Variants in ITGB3 observed in about 807,000 individuals in gnomAD.
The protein encoded by ITGB3 is integrin subunit beta 3.
A neutral mutation model predicts 85.8 loss-of-function variants in ITGB3; 48 were observed. The observed-to-expected ratio is 0.56, with a 90% CI of 0.44 to 0.71. The LOEUF (loss-of-function observed/expected upper bound fraction) is 0.71, where lower values mean the gene tolerates loss of function less well. Ranked by LOEUF, ITGB3 falls within the 30% of genes least tolerant of loss-of-function variation. The probability of loss-of-function intolerance (pLI) is 0.00; values close to 1 mark genes in which losing one functional copy is unlikely to be tolerated. For missense variants in ITGB3, 861 were observed against 1,019.1 expected, an observed-to-expected ratio of 0.84 and a Z score of 2.11; for synonymous variants, 363 against 395.6, an observed-to-expected ratio of 0.92 and a Z score of 0.98.
rs1259016033 is a variant in ITGB3, at chr17:47,284,627, T to C, written c.546T>C (p.Phe182=). The change falls in exon 4 of 15, where the codon TTT becomes TTC. Residue 182 remains phenylalanine (F), a synonymous_variant. Transcript: ENST00000559488. The part of the protein sequence containing the change: ...TSNLRIGFGA[F]VDKPVSPYMY... ...ACCTGCGGATTGGCTTCGGGGCATTTGTGGACAAGCCTGTGTCACCATACA... is the reference window on the plus strand; with the variant it reads ...ACCTGCGGATTGGCTTCGGGGCATTCGTGGACAAGCCTGTGTCACCATACA... 2.5e-6 allele frequency: 4 copies of C among 1,614,058 alleles called. No individual in the cohort carries two copies. Among genetic ancestry groups the C allele is most frequent in the Non-Finnish European group, 1.7e-6 (2 of 1,179,992 alleles).
intron 2 of ITGB3, chr17:47,280,159 A>G (rs2065078359): frequency 6.6e-6 from 1 of 152,266 alleles, no homozygotes; most frequent in African/African-American, 2.4e-5. Flanking sequence ...ACCTGTGAAG[A>G]TGAGAGAGAA....
rs763874595 is a variant in ITGB3 at position 47,299,381 on chromosome 17, G to A, written c.1764G>A (p.Thr588=). Residue 588 remains threonine (T), a synonymous_variant, in exon 11 of 15, where the codon ACG becomes ACA. Coordinates refer to ENST00000559488, the MANE Select transcript of ITGB3 (RefSeq NM_000212.3). The surrounding 1 kb of genome is among the most constrained non-coding windows in gnomAD (Gnocchi z 5.1). ...DWTGYYCNCT[T]RTDTCMSSNG... is the part of the protein sequence containing the mutation. The stretch of plus-strand genomic sequence containing the variant: ...CCGGCTACTACTGCAACTGTACCAC[G>A]CGTACTGACACCTGCATGTCCAGCA... 1.9e-5 allele frequency: 31 copies of A among 1,614,090 alleles called. No homozygotes were observed. Among genetic ancestry groups the A allele is most frequent in the East Asian group, 1.8e-4 (8 of 44,898 alleles).
intron 14 of ITGB3, among the ~76,000 whole-genome samples, chr17:47,308,535 T>C (rs1399779302): frequency 6.6e-6 from 1 of 151,860 alleles, no homozygotes; most frequent in East Asian, 1.9e-4. Flanking sequence ...GGAGACAGAG[T>C]CTTGCTCTGT....
chr17:47,283,499 C>T lies in ITGB3; in HGVS notation c.311C>T (p.Ser104Phe), dbSNP rs1241969919. ...AGCGACAAGGGCTCTGGAGACAGCTCCCAGGTCACTCAAGTCAGTCCCCAG... is the reference window on the plus strand; with the variant it reads ...AGCGACAAGGGCTCTGGAGACAGCTTCCAGGTCACTCAAGTCAGTCCCCAG... ...PLSDKGSGDS[S>F]QVTQVSPQRI... Residue 104 changes from serine to phenylalanine, a missense_variant, in exon 3 of 15, where the codon TCC (serine) becomes TTC (phenylalanine). Physicochemically the swap from Ser to Phe is radical, Grantham distance 155. Coordinates refer to ENST00000559488, the MANE Select transcript of ITGB3 (RefSeq NM_000212.3). 5.0e-6 allele frequency: 8 copies of T among 1,614,090 alleles called. No homozygotes were observed. The South Asian group carries it at 7.7e-5, about 16-fold the overall frequency.
At chr17:47,274,626 A>G in intron 2 of ITGB3, 122 bp downstream of exon 2, 2 of 839,106 alleles carry the variant, frequency 2.4e-6, no homozygotes, top group South Asian at 1.4e-5. Context: ...TCTAAGCAAA[A>G]CTTTGATGAA....
chr17:47,257,174 T>A (rs1240365846), intron 1 of ITGB3, among the ~76,000 whole-genome samples: 1 of 152,228 alleles, frequency 6.6e-6, no homozygotes, highest in Non-Finnish European at 1.5e-5. Context: ...CTGCCATGTA[T>A]TGGAGGCAAA....
chr17:47,296,459 C>G (rs1044637190), intron 10 of ITGB3, among the ~76,000 whole-genome samples: 5 of 152,138 alleles, frequency 3.3e-5, no homozygotes, highest in African/African-American at 1.2e-4. Context: ...GTCTTGAACT[C>G]CTGGGCTCAA....
At position 47,302,154 on chromosome 17, in the gene ITGB3, C is replaced by T. The variant is rs536871644; in HGVS notation, c.2015-567C>T. Among the ~76,000 whole-genome samples, 3 of 152,064 alleles carry T rather than the reference C, an allele frequency of 2.0e-5. No homozygotes were observed. In the South Asian group the frequency reaches 6.2e-4, roughly 32 times the overall value. On this transcript the variant is annotated intron_variant, in intron 12 of 14. Coordinates refer to ENST00000559488, the MANE Select transcript of ITGB3 (RefSeq NM_000212.3). Reference sequence around the variant, plus strand: ...TAGAAGAGATGAAGTCTACAAAACACGGTGGGAGTCAGAGAAGAGAGGATA... The same window carrying T: ...TAGAAGAGATGAAGTCTACAAAACATGGTGGGAGTCAGAGAAGAGAGGATA...
rs2065216310 is a variant in ITGB3, at chr17:47,311,854, A to G, written c.*1650A>G. ...GCTCTGGCCTCAGTGTTACAGCTAA[A>G]TAATCTTTAATTAAGGCAAGTCACT... On this transcript the variant is annotated 3_prime_UTR_variant, in exon 15 of 15. Transcript: ENST00000559488. The G allele has an allele frequency of 6.6e-6, 1 of 152,250 alleles. No homozygotes were observed. Among genetic ancestry groups the G allele is most frequent in the Non-Finnish European group, 1.5e-5 (1 of 68,040 alleles). The allele number at this position is 152,250 out of a possible 1,614,324, so 9.4% of individuals were successfully genotyped here.
At position 47,313,701 on chromosome 17, in the gene ITGB3, T is replaced by G. The variant is rs2065225619; in HGVS notation, c.*3497T>G. Among the ~76,000 whole-genome samples, 1 of 152,206 alleles carries G rather than the reference T, an allele frequency of 6.6e-6. No individual in the cohort carries two copies. The highest frequency in any genetic ancestry group is 1.5e-5 in the Non-Finnish European group (1 of 68,026). On this transcript the variant is annotated 3_prime_UTR_variant, in exon 15 of 15. Coordinates refer to ENST00000559488, the MANE Select transcript of ITGB3 (RefSeq NM_000212.3). The stretch of plus-strand genomic sequence containing the variant: ...TCACTTCCTAACCACCTTCTCTGTT[T>G]GGGTTTGTGCAACAGTAAATTAAAT...
At chr17:47,273,018 G>T (rs1048308289) in intron 1 of ITGB3, among the ~76,000 whole-genome samples, 2 of 152,034 alleles carry the variant, frequency 1.3e-5, no homozygotes, top group African/African-American at 4.8e-5. Flanking sequence ...CAAGTGATCC[G>T]CCTGCCTCGT....
intron 1 of ITGB3, among the ~76,000 whole-genome samples, chr17:47,262,644 C>G (rs1676863498): frequency 6.6e-6 from 1 of 152,182 alleles, no homozygotes; most frequent in South Asian, 2.1e-4. Flanking sequence ...AGTGAAGTGA[C>G]TTGTCCAAGA....
chr17:47,281,365 A>G (rs1252365286), intron 2 of ITGB3, among the ~76,000 whole-genome samples: 1 of 152,212 alleles, frequency 6.6e-6, no homozygotes, highest in East Asian at 1.9e-4. Context: ...AGGAGCCCTC[A>G]TAGACATGCA....
chr17:47,272,306 G>A (rs1173502640), intron 1 of ITGB3, among the ~76,000 whole-genome samples: 2 of 151,888 alleles, frequency 1.3e-5, no homozygotes, highest in African/African-American at 4.8e-5. Flanking sequence ...CGCCGGTCTC[G>A]GCCTCCCAAA....
chr17:47,258,561 T>TA (rs1417557120), intron 1 of ITGB3, among the ~76,000 whole-genome samples: 1 of 152,086 alleles, frequency 6.6e-6, no homozygotes, highest in Admixed American at 6.6e-5. Context: ...ATCATCAAGA[T>TA]ACAGAATTTT....
At chr17:47,302,963 A>G in intron 13 of ITGB3, 123 bp downstream of exon 13, 1 of 1,146,468 alleles carries the variant, frequency 8.7e-7, no homozygotes, top group Admixed American at 2.0e-5. Flanking sequence ...GTGATAAGTT[A>G]GGGGCCAGGT....
At chr17:47,263,302 C>G (rs1195552893) in intron 1 of ITGB3, among the ~76,000 whole-genome samples, 1 of 152,176 alleles carries the variant, frequency 6.6e-6, no homozygotes, top group Non-Finnish European at 1.5e-5. Context: ...ACATGGCGAC[C>G]TAATTAACCT....
At chr17:47,297,336 AT>A in intron 10 of ITGB3, among the ~76,000 whole-genome samples, 1 of 152,316 alleles carries the variant, frequency 6.6e-6, no homozygotes, top group East Asian at 1.9e-4. Flanking sequence ...GTTATAACAA[AT>A]GAAAAGGATA....
chr17:47,295,415 C>A (rs2065142175), intron 10 of ITGB3, among the ~76,000 whole-genome samples: 1 of 152,138 alleles, frequency 6.6e-6, no homozygotes, highest in South Asian at 2.1e-4. Flanking sequence ...TTCTCCTCTT[C>A]CACTCTTCAT....
Sources: allele counts gnomAD v4.1 joint callset (sites outside exome capture counted in the v4.1 genomes callset), GRCh38; gene constraint gnomAD v4.1.1; non-coding constraint Gnocchi (gnomAD v3.1); transcripts MANE v1.5; gene names NCBI Gene and HGNC (gene_info 2026-07-23, HGNC 2026-07-21).